The following GALNT13 variants were observed in gnomAD, a reference collection of about 807,000 sequenced individuals.
GALNT13 encodes polypeptide N-acetylgalactosaminyltransferase 13.
A neutral mutation model predicts 64.2 loss-of-function variants in GALNT13; 28 were observed. The observed-to-expected ratio is 0.44, with a 90% CI of 0.32 to 0.60. GALNT13 has a LOEUF of 0.60. Ranked by LOEUF, GALNT13 falls within the 20% of genes least tolerant of loss-of-function variation. The probability of loss-of-function intolerance (pLI) is 0.05; values close to 1 mark genes in which losing one functional copy is unlikely to be tolerated. For synonymous variants in GALNT13, 214 were observed against 224.6 expected, an observed-to-expected ratio of 0.95 and a Z score of 0.42; for missense variants, 577 against 669.8, an observed-to-expected ratio of 0.86 and a Z score of 1.53.
chr2:153,832,812 A>G, the GALNT13 span, among the ~76,000 whole-genome samples: 1 of 152,194 alleles, frequency 6.6e-6, no homozygotes, highest in Non-Finnish European at 1.5e-5. Context: ...CTCTAAAGCC[A>G]GACAGTCTCT....
intron 11 of GALNT13, among the ~76,000 whole-genome samples, chr2:154,419,191 A>G (rs1207198983): frequency 6.6e-6 from 1 of 152,062 alleles, no homozygotes; most frequent in Non-Finnish European, 1.5e-5. Context: ...AAATTATATC[A>G]GAGGAACATC....
intron 8 of GALNT13, among the ~76,000 whole-genome samples, chr2:154,269,562 A>C (rs1691207178): frequency 6.6e-6 from 1 of 151,916 alleles, no homozygotes; most frequent in Admixed American, 6.6e-5. Context: ...AGCCTTTTTA[A>C]AAAATCCTAT....
chr2:153,321,323 T>G, the GALNT13 span, among the ~76,000 whole-genome samples: 2 of 152,236 alleles, frequency 1.3e-5, no homozygotes, highest in Non-Finnish European at 2.9e-5. Flanking sequence ...CCAACTGAGT[T>G]GCTAGAAATG....
chr2:154,050,968 C>T (rs951359198), intron 3 of GALNT13, among the ~76,000 whole-genome samples: 3 of 152,158 alleles, frequency 2.0e-5, no homozygotes, highest in African/African-American at 7.2e-5. Context: ...CAATACTTGA[C>T]CTCCCCCTCC....
At chr2:153,478,630 G>A in the GALNT13 span, 1 of 1,316,386 alleles carries the variant, frequency 7.6e-7, no homozygotes, top group East Asian at 2.5e-5. Context: ...CGGCGCTGGA[G>A]GAACAGGTGC....
At chr2:154,038,977 C>T (rs1238974427) in intron 3 of GALNT13, among the ~76,000 whole-genome samples, 1 of 151,986 alleles carries the variant, frequency 6.6e-6, no homozygotes, top group East Asian at 1.9e-4. Flanking sequence ...CAATAGAAGA[C>T]ATACAGATGG....
At chr2:153,589,747 A>T in the GALNT13 span, among the ~76,000 whole-genome samples, 1 of 152,174 alleles carries the variant, frequency 6.6e-6, no homozygotes, top group Non-Finnish European at 1.5e-5. Context: ...AAAGCATCAC[A>T]TTTTGTGAGA....
the GALNT13 span, among the ~76,000 whole-genome samples, chr2:153,409,919 C>T: frequency 6.6e-6 from 1 of 152,100 alleles, no homozygotes. Flanking sequence ...CTGGTTATAT[C>T]TTGGTAAAAG....
At chr2:153,591,134 T>C in the GALNT13 span, among the ~76,000 whole-genome samples, 2 of 152,040 alleles carry the variant, frequency 1.3e-5, no homozygotes, top group African/African-American at 4.8e-5. Flanking sequence ...AGGATAAAAA[T>C]TGACATATAG....
chr2:153,283,837 C>A, the GALNT13 span, among the ~76,000 whole-genome samples: 2 of 151,866 alleles, frequency 1.3e-5, no homozygotes, highest in East Asian at 1.9e-4. Context: ...CCCCTGGAAA[C>A]CCCCTGCTGC....
At chr2:153,233,529 G>A in the GALNT13 span, among the ~76,000 whole-genome samples, 1 of 150,962 alleles carries the variant, frequency 6.6e-6, no homozygotes, top group East Asian at 1.9e-4. Flanking sequence ...ATTTATCTGT[G>A]ATCTATGATC....
chr2:153,464,016 T>C, the GALNT13 span, among the ~76,000 whole-genome samples: 1 of 152,008 alleles, frequency 6.6e-6, no homozygotes, highest in African/African-American at 2.4e-5. Flanking sequence ...GACAAACAAG[T>C]GGACTTCAGG....
chr2:153,682,190 T>C, the GALNT13 span, among the ~76,000 whole-genome samples: 8 of 151,822 alleles, frequency 5.3e-5, no homozygotes, highest in Non-Finnish European at 1.2e-4. Flanking sequence ...TCCTGTATAC[T>C]TTGCTCTTCT....
At chr2:153,884,524 C>T (rs1687002542) in intron 1 of GALNT13, among the ~76,000 whole-genome samples, 1 of 151,606 alleles carries the variant, frequency 6.6e-6, no homozygotes, top group African/African-American at 2.4e-5. Context: ...CAATAATTCC[C>T]TATAGTACTA....
chr2:153,368,473 T>A, the GALNT13 span, among the ~76,000 whole-genome samples: 1 of 152,236 alleles, frequency 6.6e-6, no homozygotes, highest in East Asian at 1.9e-4. Context: ...CAGTCTATGA[T>A]ATTTTGTTAG....
chr2:154,408,980 T>G lies in GALNT13; in HGVS notation c.1297-4T>G. On this transcript the variant is annotated splice_region_variant and splice_polypyrimidine_tract_variant and intron_variant, in intron 10 of 12. Coordinates refer to ENST00000392825, the MANE Select transcript of GALNT13 (RefSeq NM_052917.4). ...ATCCCCCCCCTTTTGTGTGTTTCCTTTAGATAAGAAATGTTGAAACCAATC... is the reference window on the plus strand; with the variant it reads ...ATCCCCCCCCTTTTGTGTGTTTCCTGTAGATAAGAAATGTTGAAACCAATC... The G allele has an allele frequency of 6.3e-7, 1 of 1,587,750 alleles. No individual in the cohort carries two copies. The highest frequency in any genetic ancestry group is 8.6e-7 in the Non-Finnish European group (1 of 1,157,428).
chr2:153,618,493 C>T, the GALNT13 span, among the ~76,000 whole-genome samples: 9 of 151,728 alleles, frequency 5.9e-5, no homozygotes, highest in Non-Finnish European at 1.0e-4. Context: ...AATGTGTATT[C>T]TGCAGCTCTT....
intron 4 of GALNT13, among the ~76,000 whole-genome samples, chr2:154,215,975 T>C (rs1372991923): frequency 6.6e-6 from 1 of 151,868 alleles, no homozygotes; most frequent in Non-Finnish European, 1.5e-5. Context: ...TTAAAATATT[T>C]ATATGAAAAA....
Position 154,344,181 on chromosome 2 carries a change from G to A in GALNT13, c.1156+42592G>A, listed in dbSNP as rs1462300211. On this transcript the variant is annotated intron_variant, in intron 9 of 12. Transcript: ENST00000392825. ...AATTTTCTGCTTTTAAAACACAAAA[G>A]ACTGTTTGCAAATTGCATAATCACA... Among the ~76,000 whole-genome samples the A allele has an allele frequency of 3.3e-5, 5 of 152,080 alleles. No individual in the cohort carries two copies. In the East Asian group the frequency reaches 7.7e-4, roughly 24 times the overall value.
Sources: allele counts gnomAD v4.1 joint callset (sites outside exome capture counted in the v4.1 genomes callset), GRCh38; gene constraint gnomAD v4.1.1; transcripts MANE v1.5; gene names NCBI Gene and HGNC (gene_info 2026-07-23, HGNC 2026-07-21).